The following PLEKHA1 variants were observed in gnomAD, a reference collection of about 807,000 sequenced individuals.
The protein encoded by PLEKHA1 is pleckstrin homology domain-containing family A member 1.
A neutral mutation model predicts 52.0 loss-of-function variants in PLEKHA1; 34 were observed. That is an observed-to-expected ratio of 0.65 (90% CI 0.50 to 0.87). The LOEUF (loss-of-function observed/expected upper bound fraction) is 0.87, where lower values mean the gene tolerates loss of function less well. Among genes scored for constraint, PLEKHA1 ranks in the 40% least tolerant of loss-of-function variants. The pLI, the probability that PLEKHA1 is intolerant of heterozygous loss-of-function variation, is 0.00. For missense variants in PLEKHA1, 497 were observed against 504.2 expected (o/e 0.99, Z 0.14); for synonymous variants, 163 against 170.7 (o/e 0.95, Z 0.35).
At chr10:122,398,058 C>T in intron 3 of PLEKHA1, 84 bp downstream of exon 3, 2 of 1,127,580 alleles carry the variant, frequency 1.8e-6, no homozygotes, top group Non-Finnish European at 1.3e-6. Context: ...GTTTCCTTTC[C>T]ATGTCCTTTA....
At chr10:122,424,009 GT>G in intron 8 of PLEKHA1, 189 bp from the exon 9 acceptor site, 1 of 709,586 alleles carries the variant, frequency 1.4e-6, no homozygotes, top group Non-Finnish European at 2.2e-6. Context: ...AAACAACAGT[GT>G]ATATAAGGTT....
At position 122,429,640 on chromosome 10, in the gene PLEKHA1, C is replaced by T. The variant is rs867153917; in HGVS notation, c.917C>T (p.Pro306Leu). Residue 306 changes from proline (P) to leucine (L), a missense_variant, in exon 12 of 12, where the codon CCT becomes CTT. Transcript: ENST00000368990. ...RSASSEHPPG[P>L]SESKHAFRPT... ...TTTTTGCAGGAGCATCCCCCCGGTC[C>T]TTCAGAATCCAAACACGCTTTCCGT... The T allele has an allele frequency of 6.2e-7, 1 of 1,613,830 alleles. No homozygotes were observed. Among genetic ancestry groups the T allele is most frequent in the Non-Finnish European group, 8.5e-7 (1 of 1,179,838 alleles).
chr10:122,385,626 C>CT (rs1274010168), intron 1 of PLEKHA1, among the ~76,000 whole-genome samples: 2 of 151,996 alleles, frequency 1.3e-5, no homozygotes, highest in African/African-American at 2.4e-5. Flanking sequence ...TATTTCTGGC[C>CT]TTTTTTGTAC....
intron 1 of PLEKHA1, among the ~76,000 whole-genome samples, chr10:122,388,756 GTTTT>G (rs1345814539): frequency 3.3e-5 from 5 of 152,232 alleles, no homozygotes; most frequent in African/African-American, 1.2e-4. Flanking sequence ...CTAGTGGAGA[GTTTT>G]AACTCAATGT....
chr10:122,390,954 A>T (rs1299443282), intron 1 of PLEKHA1, among the ~76,000 whole-genome samples: 4 of 152,038 alleles, frequency 2.6e-5, no homozygotes, highest in Non-Finnish European at 5.9e-5. Context: ...CCTTGCCAAC[A>T]CTTGTTATTT....
intron 2 of PLEKHA1, among the ~76,000 whole-genome samples, chr10:122,396,350 C>T (rs2096849319): frequency 6.6e-6 from 1 of 151,932 alleles, no homozygotes; most frequent in South Asian, 2.1e-4. Flanking sequence ...AAGTTAAAAA[C>T]CAAAAACCCA....
At chr10:122,379,050 C>T (rs886977061) in intron 1 of PLEKHA1, among the ~76,000 whole-genome samples, 1 of 152,180 alleles carries the variant, frequency 6.6e-6, no homozygotes, top group African/African-American at 2.4e-5. Context: ...CCATTGCAGT[C>T]TACTAATAGG....
At chr10:122,394,946 T>G (rs559439978) in intron 2 of PLEKHA1, among the ~76,000 whole-genome samples, 1 of 152,228 alleles carries the variant, frequency 6.6e-6, no homozygotes, top group Non-Finnish European at 1.5e-5. Flanking sequence ...CAAAATAGAA[T>G]ATATTTATTA....
In PLEKHA1 at chr10:122,413,044, A is replaced by C. The variant is rs2097128433; in HGVS notation, c.467A>C (p.Gln156Pro). Reference protein sequence around the residue: ...VGGVPIITPTQKEEVNECGES... With the variant: ...VGGVPIITPTPKEEVNECGES... ...GGCGTACCCATCATTACTCCCACTC[A>C]GGTAATTAAGTAACTCTTCTATTGT... The change falls in exon 6 of 12, where the codon CAG (glutamine) becomes CCG (proline). Residue 156 changes from glutamine (Q) to proline (P), a missense_variant and splice_region_variant. Gln to Pro is a moderately conservative substitution (Grantham distance 76, BLOSUM62 -1). Transcript: ENST00000368990. The C allele has an allele frequency of 6.2e-7, 1 of 1,611,204 alleles. No homozygotes were observed. The highest frequency in any genetic ancestry group is 8.5e-7 in the Non-Finnish European group (1 of 1,178,214).
intron 11 of PLEKHA1, among the ~76,000 whole-genome samples, chr10:122,429,199 T>C (rs1351364051): frequency 2.0e-5 from 3 of 152,182 alleles, no homozygotes; most frequent in African/African-American, 7.2e-5. Flanking sequence ...ATTTTTTTCA[T>C]TCTAAAATAT....
At chr10:122,383,380 C>T (rs2096643778) in intron 1 of PLEKHA1, among the ~76,000 whole-genome samples, 1 of 143,802 alleles carries the variant, frequency 7.0e-6, no homozygotes. Context: ...AGTACAGTGG[C>T]ACAATCATAG....
At chr10:122,440,267 G>T in the PLEKHA1 span, 3 of 152,180 alleles carry the variant, frequency 2.0e-5, no homozygotes, top group Non-Finnish European at 4.4e-5. Context: ...ACATGTCTAG[G>T]TTCCCCATTT....
At chr10:122,415,534 T>C (rs1482179217) in intron 6 of PLEKHA1, among the ~76,000 whole-genome samples, 1 of 152,244 alleles carries the variant, frequency 6.6e-6, no homozygotes, top group Non-Finnish European at 1.5e-5. Flanking sequence ...GAGGGGAAAC[T>C]AGTGAAAGGG....
chr10:122,380,525 C>T (rs2096599765), intron 1 of PLEKHA1, among the ~76,000 whole-genome samples: 1 of 152,130 alleles, frequency 6.6e-6, no homozygotes, highest in Non-Finnish European at 1.5e-5. Flanking sequence ...AGTTACAAGT[C>T]CCCGAGTGGG....
chr10:122,388,007 T>C (rs530205766), intron 1 of PLEKHA1: 2 of 152,250 alleles, frequency 1.3e-5, no homozygotes, highest in Admixed American at 1.3e-4. Flanking sequence ...CAGCATCCTT[T>C]TATTTTTTTA....
intron 6 of PLEKHA1, among the ~76,000 whole-genome samples, chr10:122,414,520 A>G (rs866337938): frequency 3.3e-5 from 5 of 152,142 alleles, no homozygotes; most frequent in South Asian, 4.1e-4. Context: ...AAAAGCTACA[A>G]ACTGGGAGAA....
At chr10:122,426,824 T>TG in intron 10 of PLEKHA1, 118 bp from the exon 11 acceptor site, 1 of 914,094 alleles carries the variant, frequency 1.1e-6, no homozygotes, top group Non-Finnish European at 1.6e-6. Flanking sequence ...TGGAAACAGT[T>TG]GCCTTAGAGT....
the PLEKHA1 span, chr10:122,440,706 C>T: frequency 6.6e-6 from 1 of 152,104 alleles, no homozygotes; most frequent in East Asian, 1.9e-4. Flanking sequence ...CACTGTAGTC[C>T]CTTTTAAAAG....
rs752750413 is a variant in PLEKHA1 at position 122,417,896 on chromosome 10, G to C, written c.613-4G>C. ...AGTCTTATGTCTGTGTTCATCTCTG[G>C]TAGATGAAAAACTGGAAGAGAAGAT... On this transcript the variant is annotated splice_region_variant and splice_polypyrimidine_tract_variant and intron_variant, in intron 7 of 11. Transcript: ENST00000368990. 3 of 1,604,224 alleles carry C rather than the reference G, an allele frequency of 1.9e-6. No individual in the cohort carries two copies. In the African/African-American group the frequency reaches 4.0e-5, roughly 21 times the overall value.
Sources: allele counts gnomAD v4.1 joint callset (sites outside exome capture counted in the v4.1 genomes callset), GRCh38; gene constraint gnomAD v4.1.1; transcripts MANE v1.5; gene names NCBI Gene and HGNC (gene_info 2026-07-23, HGNC 2026-07-21).